Variants in ADAMTS9 observed in about 807,000 individuals in gnomAD.
ADAMTS9 encodes ADAM metallopeptidase with thrombospondin type 1 motif 9, also known as A disintegrin and metalloproteinase with thrombospondin motifs 9.
Under a neutral mutation model 257.1 loss-of-function variants are expected in ADAMTS9, and 107 were observed. That is an observed-to-expected ratio of 0.42 (90% CI 0.36 to 0.49). The LOEUF is 0.49. Among genes scored for constraint, ADAMTS9 ranks in the 20% least tolerant of loss-of-function variants. ADAMTS9 has a pLI of 0.03. For missense variants in ADAMTS9, 2,353 were observed against 2,469.1 expected (o/e 0.95, Z 1.00); for synonymous variants, 982 against 880.9 (o/e 1.11, Z -2.03).
rs116284992 is a variant in ADAMTS9, at chr3:64,549,108, C to T, written c.4869+1784G>A. Among the ~76,000 whole-genome samples, 1,067 of 152,300 alleles carry T rather than the reference C, an allele frequency of 7.0e-3. 8 individuals are homozygous for T. Among genetic ancestry groups the T allele is most frequent in the African/African-American group, 0.025 (1,035 of 41,574 alleles). On this transcript the variant is annotated intron_variant, in intron 31 of 39. Coordinates refer to ENST00000498707, the MANE Select transcript of ADAMTS9 (RefSeq NM_182920.2). ...AGAGGATGCTGGTGCCAGTCCCTTTCGGCCCCTCTCCCCTCATTGCAGGTT... is the reference window on the plus strand; with the variant it reads ...AGAGGATGCTGGTGCCAGTCCCTTTTGGCCCCTCTCCCCTCATTGCAGGTT...
intron 11 of ADAMTS9, among the ~76,000 whole-genome samples, chr3:64,642,552 C>G (rs1700677163): frequency 6.6e-6 from 1 of 152,154 alleles, no homozygotes; most frequent in Non-Finnish European, 1.5e-5. Flanking sequence ...AACTTTATGA[C>G]TTGTTTGTTA....
At chr3:64,659,050 T>C (rs1701159076) in intron 3 of ADAMTS9, among the ~76,000 whole-genome samples, 2 of 152,176 alleles carry the variant, frequency 1.3e-5, no homozygotes, top group South Asian at 4.1e-4. Flanking sequence ...GGGAAACAAT[T>C]GCACGTGATT....
At chr3:64,679,193 A>G (rs1416649099) in intron 3 of ADAMTS9, among the ~76,000 whole-genome samples, 1 of 152,212 alleles carries the variant, frequency 6.6e-6, no homozygotes, top group Non-Finnish European at 1.5e-5. Context: ...CAGGAAATCA[A>G]ATGTCCATTA....
chr3:64,581,386 C>A (rs537852909), intron 28 of ADAMTS9, among the ~76,000 whole-genome samples: 12 of 151,926 alleles, frequency 7.9e-5, no homozygotes, highest in Admixed American at 4.6e-4. Context: ...AAATTTTAAT[C>A]TATTTATTTA....
chr3:64,662,176 T>C (rs1227802739), intron 3 of ADAMTS9, among the ~76,000 whole-genome samples: 1 of 152,160 alleles, frequency 6.6e-6, no homozygotes, highest in Non-Finnish European at 1.5e-5. Context: ...CATTGTTCAT[T>C]TAGGAGTGTG....
At chr3:64,633,439 AAC>A in intron 14 of ADAMTS9, 31 bp downstream of exon 14, 1 of 1,611,880 alleles carries the variant, frequency 6.2e-7, no homozygotes, top group Non-Finnish European at 8.5e-7. Context: ...GCAGCGGGAA[AAC>A]ACAGTGAAGA....
intron 28 of ADAMTS9, among the ~76,000 whole-genome samples, chr3:64,570,836 CACTT>C (rs1323735066): frequency 3.3e-5 from 5 of 151,244 alleles, no homozygotes; most frequent in African/African-American, 1.2e-4. Flanking sequence ...ATAGTGATAA[CACTT>C]ACAGAGATGG....
chr3:64,620,169 C>T (rs1422769274), intron 19 of ADAMTS9, among the ~76,000 whole-genome samples: 2 of 152,134 alleles, frequency 1.3e-5, no homozygotes, highest in African/African-American at 4.8e-5. Context: ...AAAAATATGA[C>T]ACTCGTACCA....
intron 3 of ADAMTS9, among the ~76,000 whole-genome samples, chr3:64,680,180 AG>A (rs1242200556): frequency 1.3e-5 from 2 of 152,188 alleles, no homozygotes; most frequent in Non-Finnish European, 2.9e-5. Flanking sequence ...AACCTGGTAC[AG>A]GTATAAGATG....
At chr3:64,547,034 C>T (rs531743061) in intron 31 of ADAMTS9, 82 bp from the exon 32 acceptor site, 14 of 1,240,806 alleles carry the variant, frequency 1.1e-5, no homozygotes, top group South Asian at 8.7e-5. Context: ...CCACACCAAG[C>T]GCTGACCGTG....
intron 16 of ADAMTS9, among the ~76,000 whole-genome samples, chr3:64,629,029 G>A (rs1213846594): frequency 6.6e-6 from 1 of 152,080 alleles, no homozygotes; most frequent in Non-Finnish European, 1.5e-5. Context: ...CTTTAGTCTT[G>A]TGTACTTTTA....
At position 64,546,850 on chromosome 3, in the gene ADAMTS9, T is replaced by A; in HGVS notation, c.4972A>T (p.Asn1658Tyr). The A allele has an allele frequency of 1.2e-6, 2 of 1,614,120 alleles. No individual in the cohort carries two copies. The highest frequency in any genetic ancestry group is 1.7e-6 in the Non-Finnish European group (2 of 1,180,008). Residue 1658 changes from asparagine (N) to tyrosine (Y), a missense_variant, in exon 32 of 40, where the codon AAC becomes TAC. This residue lies in a region of ADAMTS9 where 1,402 missense variants were observed against 1,441.4 expected (regional missense o/e 0.97). Transcript: ENST00000498707. ...NYEYSYQTTI[N>Y]CPGTQPPSVH... The stretch of plus-strand genomic sequence containing the variant: ...CTGGGGGGCTGCGTGCCTGGGCAGT[T>A]GATGGTGGTTTGGTAGCTGTATTCA...
At chr3:64,649,493 A>T (rs766838616) in intron 10 of ADAMTS9, 144 bp downstream of exon 10, 3 of 929,630 alleles carry the variant, frequency 3.2e-6, no homozygotes, top group Non-Finnish European at 4.6e-6. Flanking sequence ...TCATCCTCAT[A>T]ATTATTATGA....
At chr3:64,668,854 C>G (rs1287192224) in intron 3 of ADAMTS9, among the ~76,000 whole-genome samples, 1 of 152,128 alleles carries the variant, frequency 6.6e-6, no homozygotes, top group African/African-American at 2.4e-5. Flanking sequence ...GAGATTAAAG[C>G]GCAGTTGGGC....
intron 37 of ADAMTS9, among the ~76,000 whole-genome samples, chr3:64,538,583 G>A (rs1575992218): frequency 2.6e-5 from 4 of 151,604 alleles, no homozygotes; most frequent in South Asian, 4.2e-4. Context: ...GGATCATACT[G>A]CATGTAGTGT....
intron 2 of ADAMTS9, 86 bp from the exon 3 acceptor site, chr3:64,681,449 A>G: frequency 1.4e-6 from 2 of 1,404,460 alleles, no homozygotes; most frequent in South Asian, 1.5e-5. Flanking sequence ...TCAAGTAGAG[A>G]TGGTGTCATT....
At chr3:64,526,043 A>C (rs1184199518) in intron 38 of ADAMTS9, among the ~76,000 whole-genome samples, 2 of 147,158 alleles carry the variant, frequency 1.4e-5, no homozygotes, top group Non-Finnish European at 3.0e-5. Context: ...AATGTATTAT[A>C]ATCTTATGTG....
intron 30 of ADAMTS9, among the ~76,000 whole-genome samples, chr3:64,554,709 A>G (rs2083309244): frequency 6.6e-6 from 1 of 152,224 alleles, no homozygotes; most frequent in African/African-American, 2.4e-5. Context: ...TAATTCAGAA[A>G]GAAAATAATC....
intron 8 of ADAMTS9, 32 bp from the exon 9 acceptor site, chr3:64,651,195 A>G (rs1385612134): frequency 1.3e-6 from 2 of 1,539,048 alleles, no homozygotes; most frequent in Admixed American, 4.6e-5. Flanking sequence ...TGAGAATGTC[A>G]ATAAACACCA....
Sources: gnomAD v4.1 joint callset for allele counts (sites outside exome capture counted in the v4.1 genomes callset) on GRCh38, gnomAD v4.1.1 for gene constraint, gnomAD v4.1.1 regional missense constraint, MANE v1.5 for transcripts, NCBI Gene and HGNC (gene_info 2026-07-23, HGNC 2026-07-21) for gene names.